FCHSD2: variants seen among roughly 807,000 people sequenced by gnomAD.
The protein encoded by FCHSD2 is F-BAR and double SH3 domains protein 2.
Under a neutral mutation model 108.1 loss-of-function variants are expected in FCHSD2, and 38 were observed. The ratio of observed to expected loss-of-function variants is 0.35; its 90% CI spans 0.27 to 0.46. The LOEUF is 0.46. Among genes scored for constraint, FCHSD2 ranks in the 20% least tolerant of loss-of-function variants. The pLI is 1.00. For synonymous variants in FCHSD2, 279 were observed against 314.7 expected (o/e 0.89, Z 1.20); for missense variants, 751 against 897.8 (o/e 0.84, Z 2.09).
At chr11:73,030,610 A>T (rs1416518905) in intron 3 of FCHSD2, among the ~76,000 whole-genome samples, 1 of 152,178 alleles carries the variant, frequency 6.6e-6, no homozygotes, top group Non-Finnish European at 1.5e-5. Flanking sequence ...TCAATACTTT[A>T]ATCTATTTAA....
At chr11:73,007,711 G>C (rs1857771319) in intron 4 of FCHSD2, among the ~76,000 whole-genome samples, 1 of 152,186 alleles carries the variant, frequency 6.6e-6, no homozygotes, top group Non-Finnish European at 1.5e-5. Flanking sequence ...GTCACACAAA[G>C]CTACAAATGT....
At chr11:73,126,407 T>C (rs974510646) in intron 2 of FCHSD2, among the ~76,000 whole-genome samples, 2 of 101,558 alleles carry the variant, frequency 2.0e-5, no homozygotes, top group Non-Finnish European at 4.2e-5. Flanking sequence ...CAGTAGTACA[T>C]AAAGCTTGTT....
chr11:72,926,968 T>C (rs1412988367), intron 8 of FCHSD2, among the ~76,000 whole-genome samples: 1 of 152,244 alleles, frequency 6.6e-6, no homozygotes, highest in Non-Finnish European at 1.5e-5. Flanking sequence ...TAACTACTTA[T>C]ATGAAAAGGA....
In FCHSD2 at chr11:72,843,184, G is replaced by A. The variant is rs549243569; in HGVS notation, c.1672C>T (p.Leu558Phe). The change falls in exon 16 of 20, where the codon CTC becomes TTC. Residue 558 changes from leucine to phenylalanine, a missense_variant. Physicochemically the swap from Leu to Phe is conservative, Grantham distance 22. Transcript: ENST00000409418. The part of the protein sequence containing the change: ...HTSSNSTEAE[L>F]VSGSLNGDAS... Reference sequence around the variant, plus strand: ...TCTCCGTTGAGGCTGCCTGAAACGAGTTCTGCTTCCGTGGAATTGCTGGAC... The same window carrying A: ...TCTCCGTTGAGGCTGCCTGAAACGAATTCTGCTTCCGTGGAATTGCTGGAC... 6 of 1,614,010 alleles carry A rather than the reference G, an allele frequency of 3.7e-6. No individual in the cohort carries two copies. The African/African-American group carries it at 4.0e-5, about 11-fold the overall frequency.
At chr11:72,909,949 G>A (rs1855723328) in intron 9 of FCHSD2, among the ~76,000 whole-genome samples, 1 of 142,172 alleles carries the variant, frequency 7.0e-6, no homozygotes, top group Non-Finnish European at 1.5e-5. Context: ...GAGTACCTCT[G>A]CCCAGCTGCC....
chr11:73,019,116 T>C (rs568401680), intron 3 of FCHSD2, among the ~76,000 whole-genome samples: 6 of 152,302 alleles, frequency 3.9e-5, no homozygotes, highest in South Asian at 2.1e-4. Context: ...AATGACATGA[T>C]AGTGACTTTT....
At chr11:73,081,337 G>T (rs1173013348) in intron 3 of FCHSD2, among the ~76,000 whole-genome samples, 1 of 152,082 alleles carries the variant, frequency 6.6e-6, no homozygotes, top group Non-Finnish European at 1.5e-5. Context: ...GGGAGGATGA[G>T]GTAGGAGAAT....
At chr11:73,093,687 C>T (rs1860009358) in intron 2 of FCHSD2, among the ~76,000 whole-genome samples, 2 of 152,090 alleles carry the variant, frequency 1.3e-5, no homozygotes, top group Non-Finnish European at 2.9e-5. Context: ...CCACAACCTC[C>T]GCCTCCCGGG....
chr11:72,997,853 A>AC (rs1216770237), intron 5 of FCHSD2, among the ~76,000 whole-genome samples: 1 of 152,046 alleles, frequency 6.6e-6, no homozygotes, highest in Non-Finnish European at 1.5e-5. Flanking sequence ...GGCATGAACC[A>AC]CCACACCTGG....
chr11:72,839,844 T>C (rs1247474483), intron 19 of FCHSD2, among the ~76,000 whole-genome samples: 1 of 152,102 alleles, frequency 6.6e-6, no homozygotes, highest in Non-Finnish European at 1.5e-5. Flanking sequence ...GCTGTGGAAG[T>C]AGATGAGGTC....
At chr11:72,914,213 C>T (rs1855824936) in intron 9 of FCHSD2, among the ~76,000 whole-genome samples, 1 of 152,000 alleles carries the variant, frequency 6.6e-6, no homozygotes, top group Non-Finnish European at 1.5e-5. Flanking sequence ...TGGGGTTTCA[C>T]CATGTTGGCC....
At chr11:73,016,632 A>G (rs1028628732) in intron 3 of FCHSD2, among the ~76,000 whole-genome samples, 1 of 152,210 alleles carries the variant, frequency 6.6e-6, no homozygotes, top group African/African-American at 2.4e-5. Context: ...GAGAAAAACA[A>G]ATTCAATTTG....
chr11:72,851,713 G>A (rs1287087933), intron 13 of FCHSD2, among the ~76,000 whole-genome samples: 3 of 151,944 alleles, frequency 2.0e-5, no homozygotes, highest in African/African-American at 7.3e-5. Context: ...ACTGCACTCC[G>A]GCCTGGTGAC....
At chr11:72,928,994 T>TA (rs779723631) in intron 8 of FCHSD2, among the ~76,000 whole-genome samples, 1 of 152,266 alleles carries the variant, frequency 6.6e-6, no homozygotes, top group East Asian at 1.9e-4. Context: ...GTCCTTGCGA[T>TA]AGTTTGCTGA....
intron 12 of FCHSD2, among the ~76,000 whole-genome samples, chr11:72,874,327 C>T (rs1244949160): frequency 2.0e-5 from 3 of 152,136 alleles, no homozygotes; most frequent in Non-Finnish European, 4.4e-5. Flanking sequence ...GCTAGGACTA[C>T]AGGTGCATGC....
chr11:73,084,717 C>T lies in FCHSD2; in HGVS notation c.120-977G>A, dbSNP rs1231360425. 2.0e-5 allele frequency among the ~76,000 whole-genome samples: 3 copies of T among 152,186 alleles called. No individual in the cohort carries two copies. In the East Asian group the frequency reaches 5.8e-4, roughly 29 times the overall value. ...CCAGTACATCCTTCACCTGTATTAA[C>T]ATTTATGATACTGGAATGCATCTTT... On this transcript the variant is annotated intron_variant, in intron 2 of 19. Transcript: ENST00000409418.
At chr11:73,125,887 C>T (rs1474797368) in intron 2 of FCHSD2, among the ~76,000 whole-genome samples, 1 of 152,040 alleles carries the variant, frequency 6.6e-6, no homozygotes, top group African/African-American at 2.4e-5. Context: ...CAGAGCAAAC[C>T]ATTCTTCCAT....
chr11:73,122,899 G>T (rs1860767050), intron 2 of FCHSD2, among the ~76,000 whole-genome samples: 1 of 152,110 alleles, frequency 6.6e-6, no homozygotes, highest in Non-Finnish European at 1.5e-5. Context: ...ATGTCATTTA[G>T]TCTCATTGCT....
At chr11:72,965,118 T>C (rs534013800) in intron 8 of FCHSD2, among the ~76,000 whole-genome samples, 17 of 152,102 alleles carry the variant, frequency 1.1e-4, no homozygotes, top group African/African-American at 3.1e-4. Context: ...TCAAAGGTCT[T>C]TGATAGATCC....
Sources: gnomAD v4.1 joint callset for allele counts (sites outside exome capture counted in the v4.1 genomes callset) on GRCh38, gnomAD v4.1.1 for gene constraint, MANE v1.5 for transcripts, NCBI Gene and HGNC (gene_info 2026-07-23, HGNC 2026-07-21) for gene names.